TMX3: variants seen among roughly 807,000 people sequenced by gnomAD.
TMX3 encodes the protein protein disulfide-isomerase TMX3.
In TMX3, 40 loss-of-function variants were observed where a neutral mutation model predicts 64.4. The observed-to-expected ratio is 0.62, with a 90% CI of 0.48 to 0.81. TMX3 has a LOEUF of 0.81. Ranked by LOEUF, TMX3 falls within the 30% of genes least tolerant of loss-of-function variation. The pLI is 0.00. For missense variants in TMX3, 497 were observed against 534.5 expected (o/e 0.93, Z 0.69); for synonymous variants, 189 against 175.7 (o/e 1.08, Z -0.60).
chr18:68,707,751 T>C (rs2030819358), intron 4 of TMX3, among the ~76,000 whole-genome samples: 1 of 152,136 alleles, frequency 6.6e-6, no homozygotes, highest in South Asian at 2.1e-4. Context: ...TTTATTATGT[T>C]GTAAGCATTT....
rs1427928421 is a variant in TMX3, at chr18:68,675,715, C to T, written c.*1218G>A. On this transcript the variant is annotated 3_prime_UTR_variant, in exon 16 of 16. Coordinates refer to ENST00000299608, the MANE Select transcript of TMX3 (RefSeq NM_019022.5). ...GAAGGCCTCAAAAATAATTTATCTA[C>T]AATAAACATACCAAACTGTTACTTT... The T allele has an allele frequency of 1.3e-5, 2 of 152,026 alleles. No homozygotes were observed. Among genetic ancestry groups the T allele is most frequent in the Admixed American group, 6.6e-5 (1 of 15,256 alleles). 9.4% of individuals were successfully genotyped at this position (152,026 alleles called of 1,614,324 possible). A position where few individuals can be genotyped will look rare whatever the true frequency, so the allele number is the denominator to read the frequency against.
At chr18:68,681,290 T>C in intron 13 of TMX3, 180 bp from the exon 14 acceptor site, 1 of 590,046 alleles carries the variant, frequency 1.7e-6, no homozygotes, top group Non-Finnish European at 2.4e-6. Flanking sequence ...ATTCATGACA[T>C]ACCTTTTTAA....
At chr18:68,710,599 G>C (rs1687117782) in intron 3 of TMX3, among the ~76,000 whole-genome samples, 1 of 152,088 alleles carries the variant, frequency 6.6e-6, no homozygotes, top group Non-Finnish European at 1.5e-5. Context: ...GGCAAGAAGG[G>C]GAGGTCATTA....
chr18:68,679,446 AAACT>A lies in TMX3; in HGVS notation c.1104+13_1104+16del. The stretch of plus-strand genomic sequence containing the variant: ...ATATCTTCTTCATTATCAATGACAT[AAACT>A]GTCACAACTTACCACAATAGTAGAT... On this transcript the variant is annotated intron_variant, in intron 15 of 15. Coordinates refer to ENST00000299608, the MANE Select transcript of TMX3 (RefSeq NM_019022.5). 1 of 1,597,472 alleles carries A rather than the reference AAACT, an allele frequency of 6.3e-7. No individual in the cohort carries two copies.
chr18:68,687,234 C>T (rs1295161916), intron 10 of TMX3: 10 of 985,188 alleles, frequency 1.0e-5, no homozygotes, highest in South Asian at 4.7e-5. Context: ...TTTGTGTTTG[C>T]GTTGCCTGTC....
chr18:68,685,440 G>A (rs879306083), intron 10 of TMX3, among the ~76,000 whole-genome samples: 4 of 152,018 alleles, frequency 2.6e-5, no homozygotes, highest in Non-Finnish European at 5.9e-5. Flanking sequence ...AGTTCACAAT[G>A]ACATCTACCT....
At chr18:68,699,898 C>T (rs556813856) in intron 6 of TMX3, among the ~76,000 whole-genome samples, 1 of 152,188 alleles carries the variant, frequency 6.6e-6, no homozygotes, top group Non-Finnish European at 1.5e-5. Context: ...GTATAAAATG[C>T]ACGAATACCT....
intron 8 of TMX3, chr18:68,696,915 A>G (rs1039342877): frequency 7.3e-5 from 18 of 245,742 alleles, no homozygotes; most frequent in Non-Finnish European, 1.3e-4. Context: ...CACGCAAAAT[A>G]ATCCACCACT....
At chr18:68,713,657 G>C (rs2031546318) in intron 2 of TMX3, among the ~76,000 whole-genome samples, 189 bp downstream of exon 2, 1 of 152,080 alleles carries the variant, frequency 6.6e-6, no homozygotes, top group Non-Finnish European at 1.5e-5. Flanking sequence ...GTTTGCCACA[G>C]TTTTTTGATC....
chr18:68,700,962 C>T (rs1200741352), intron 5 of TMX3: 4 of 984,954 alleles, frequency 4.1e-6, no homozygotes, highest in South Asian at 4.7e-5. Context: ...CTTCTAGAAA[C>T]GTACATAATT....
chr18:68,711,429 G>C, intron 2 of TMX3, 26 bp from the exon 3 acceptor site: 2 of 1,550,378 alleles, frequency 1.3e-6, no homozygotes, highest in Non-Finnish European at 1.8e-6. Context: ...ACAAATGTTT[G>C]ATTGTATGTT....
chr18:68,694,974 A>G (rs1914914374), intron 8 of TMX3, among the ~76,000 whole-genome samples: 1 of 151,640 alleles, frequency 6.6e-6, no homozygotes, highest in Non-Finnish European at 1.5e-5. Context: ...GATTCAAAAG[A>G]AAAAAAAAGA....
Position 68,687,755 on chromosome 18 carries a change from A to T in TMX3, c.648T>A (p.Asp216Glu). The change falls in exon 10 of 16, where the codon GAT (aspartate) becomes GAA (glutamate). Residue 216 changes from aspartate (D) to glutamate (E), a missense_variant. Coordinates refer to ENST00000299608, the MANE Select transcript of TMX3 (RefSeq NM_019022.5). ...ETYFVYDEYE[D>E]GDLSSWINRE... Reference sequence around the variant, plus strand: ...TGTTGATCCATGATGACAGATCACCATCTTCATACTCTTAAAACCAAGACA... The same window carrying T: ...TGTTGATCCATGATGACAGATCACCTTCTTCATACTCTTAAAACCAAGACA... 6.2e-7 allele frequency: 1 copy of T among 1,609,288 alleles called. No homozygotes were observed. Among genetic ancestry groups the T allele is most frequent in the Non-Finnish European group, 8.5e-7 (1 of 1,178,248 alleles).
In TMX3 at chr18:68,715,054, G is replaced by T. The variant is rs2031831359; in HGVS notation, c.-73C>A. Reference sequence around the variant, plus strand: ...AGACACTGGGGTCCGCCGCCTGCCCGCCCGGAAAGGGAAACGGAGCCGACC... The same window carrying T: ...AGACACTGGGGTCCGCCGCCTGCCCTCCCGGAAAGGGAAACGGAGCCGACC... On this transcript the variant is annotated 5_prime_UTR_variant, in exon 1 of 16. Coordinates refer to ENST00000299608, the MANE Select transcript of TMX3 (RefSeq NM_019022.5). 8 of 1,546,434 alleles carry T rather than the reference G, an allele frequency of 5.2e-6. No homozygotes were observed. The East Asian group carries it at 1.5e-4, about 29-fold the overall frequency.
chr18:68,681,047 A>G lies in TMX3; in HGVS notation c.969T>C (p.Asp323=), dbSNP rs768712617. 1.2e-5 allele frequency: 20 copies of G among 1,603,758 alleles called. No individual in the cohort carries two copies. Among genetic ancestry groups the G allele is most frequent in the Non-Finnish European group, 1.4e-5 (17 of 1,175,568 alleles). Residue 323 remains aspartate, a synonymous_variant, in exon 14 of 16, where the codon GAT becomes GAC. Coordinates refer to ENST00000299608, the MANE Select transcript of TMX3 (RefSeq NM_019022.5). ...NTSNQQYFLL[D]RQIKNVEDMV... is the part of the protein sequence containing the mutation. Reference sequence around the variant, plus strand: ...TGTCTTCAACATTCTTAATCTGTCTATCTAGCAAGAAATATTGCTGGTTTG... The same window carrying G: ...TGTCTTCAACATTCTTAATCTGTCTGTCTAGCAAGAAATATTGCTGGTTTG...
At chr18:68,706,428 A>G (rs1016533688) in intron 4 of TMX3, 14 of 152,234 alleles carry the variant, frequency 9.2e-5, no homozygotes, top group African/African-American at 3.1e-4. Context: ...ATAAAGAAAT[A>G]AAGAAATAAA....
chr18:68,703,666 T>C (rs1245501001), intron 4 of TMX3, among the ~76,000 whole-genome samples: 2 of 152,126 alleles, frequency 1.3e-5, no homozygotes, highest in Non-Finnish European at 2.9e-5. Flanking sequence ...GGAATGACAG[T>C]ATAACATTTA....
At chr18:68,693,939 C>T (rs539674755) in intron 8 of TMX3, among the ~76,000 whole-genome samples, 4 of 152,202 alleles carry the variant, frequency 2.6e-5, no homozygotes, top group South Asian at 2.1e-4. Context: ...ATTCTGAGCA[C>T]GTAAAAACCC....
chr18:68,709,817 T>C (rs2031075189), intron 4 of TMX3, among the ~76,000 whole-genome samples: 1 of 137,298 alleles, frequency 7.3e-6, no homozygotes, highest in African/African-American at 3.5e-5. Context: ...GGTTTAAACA[T>C]CTGTTAAGCA....
Sources: allele counts gnomAD v4.1 joint callset (sites outside exome capture counted in the v4.1 genomes callset), GRCh38; gene constraint gnomAD v4.1.1; transcripts MANE v1.5; gene names NCBI Gene and HGNC (gene_info 2026-07-23, HGNC 2026-07-21).